Variants in ECM2 observed in about 807,000 individuals in gnomAD.
ECM2 encodes extracellular matrix protein 2.
A neutral mutation model predicts 67.5 loss-of-function variants in ECM2; 57 were observed. That is an observed-to-expected ratio of 0.84 (90% CI 0.68 to 1.05). The LOEUF is 1.05. ECM2 is among the 50% of genes least tolerant of loss of function. ECM2 has a pLI of 0.00. For synonymous variants in ECM2, 258 were observed against 294.5 expected (o/e 0.88, Z 1.27); for missense variants, 741 against 822.8 (o/e 0.90, Z 1.22).
intron 1 of ECM2, among the ~76,000 whole-genome samples, chr9:92,524,807 G>T (rs1588230047): frequency 6.6e-6 from 1 of 152,290 alleles, no homozygotes; most frequent in Non-Finnish European, 1.5e-5. Flanking sequence ...TAACTAACTT[G>T]CTCAGTGATG....
At chr9:92,532,044 T>TTTTTTTTTTTTTC (rs1848828968) in intron 1 of ECM2, among the ~76,000 whole-genome samples, 1 of 145,434 alleles carries the variant, frequency 6.9e-6, no homozygotes, top group Admixed American at 6.8e-5. Context: ...ATTTTTTTTT[T>TTTTTTTTTTTTTC]GAGATGAGGT....
the ECM2 span, among the ~76,000 whole-genome samples, chr9:92,550,490 A>T: frequency 6.6e-6 from 1 of 152,064 alleles, no homozygotes; most frequent in Non-Finnish European, 1.5e-5. Flanking sequence ...TTTGTTTTTG[A>T]GAATTAAAAT....
At chr9:92,508,307 C>T (rs1030856547) in intron 6 of ECM2, among the ~76,000 whole-genome samples, 2 of 152,210 alleles carry the variant, frequency 1.3e-5, no homozygotes, top group East Asian at 1.9e-4. Flanking sequence ...CGAGGCTCCT[C>T]GGGTGCTCGG....
chr9:92,557,631 C>T, the ECM2 span, among the ~76,000 whole-genome samples: 1 of 151,984 alleles, frequency 6.6e-6, no homozygotes, highest in African/African-American at 2.4e-5. Context: ...CTTTCCAGAG[C>T]ATTTCGCATT....
downstream of ECM2, chr9:92,494,006 G>A (rs145750718): frequency 2.4e-4 from 348 of 1,463,736 alleles, 2 homozygotes; most frequent in African/African-American, 4.2e-3. Context: ...CAGTGTGCTC[G>A]TCGCATTGTC....
At chr9:92,546,028 C>T in the ECM2 span, among the ~76,000 whole-genome samples, 24 of 151,920 alleles carry the variant, frequency 1.6e-4, no homozygotes, top group South Asian at 8.3e-4. Flanking sequence ...CACCAATCAG[C>T]ACTCTGTGTC....
intron 1 of ECM2, among the ~76,000 whole-genome samples, chr9:92,531,259 C>T (rs989207276): frequency 6.6e-6 from 1 of 151,874 alleles, no homozygotes; most frequent in African/African-American, 2.4e-5. Flanking sequence ...AGTAATTATA[C>T]ACTTTTTACC....
intron 3 of ECM2, 100 bp downstream of exon 3, chr9:92,517,587 G>A: frequency 6.6e-7 from 1 of 1,512,714 alleles, no homozygotes; most frequent in East Asian, 2.3e-5. Flanking sequence ...ACTCAGATCT[G>A]ACTAATGTAT....
chr9:92,558,183 C>T, the ECM2 span, among the ~76,000 whole-genome samples: 12 of 152,238 alleles, frequency 7.9e-5, no homozygotes, highest in African/African-American at 1.9e-4. Flanking sequence ...TGCTGGTGAA[C>T]TAATGTGATT....
chr9:92,543,201 G>A, the ECM2 span, among the ~76,000 whole-genome samples: 2 of 152,092 alleles, frequency 1.3e-5, no homozygotes, highest in African/African-American at 2.4e-5. Context: ...TGCCAGCCTC[G>A]TGGCTCACAC....
chr9:92,501,110 CT>C lies in ECM2; in HGVS notation c.1605-58del. ...GACATCAGGATGGTGATCATCAGCT[CT>C]AAATTTTGATAAGGCCAGTCTCGAT... On this transcript the variant is annotated intron_variant, in intron 8 of 9. Transcript: ENST00000344604. 1.3e-6 allele frequency: 2 copies of C among 1,548,144 alleles called. 1 individual carries two copies. Among genetic ancestry groups the C allele is most frequent in the South Asian group, 2.4e-5 (2 of 84,780 alleles).
intron 9 of ECM2, 61 bp downstream of exon 9, chr9:92,500,666 G>A: frequency 6.7e-7 from 1 of 1,484,478 alleles, no homozygotes; most frequent in Admixed American, 1.9e-5. Flanking sequence ...TGTCATGGTT[G>A]TTTTATCATA....
In ECM2 at chr9:92,496,406, T is replaced by C. The variant is rs747794358; in HGVS notation, c.2009A>G (p.Asn670Ser). 6.8e-6 allele frequency: 11 copies of C among 1,610,888 alleles called. No individual in the cohort carries two copies. Among genetic ancestry groups the C allele is most frequent in the Middle Eastern group, 1.7e-4 (1 of 6,050 alleles). ...SNLEHLHLENNYIKIREIPSY... is the reference protein window; with the variant it reads ...SNLEHLHLENSYIKIREIPSY... Reference sequence around the variant, plus strand: ...TGGTATTTCTCTAATTTTAATATAATTGTTTTCAAGATGAAGATGTTCCAG... The same window carrying C: ...TGGTATTTCTCTAATTTTAATATAACTGTTTTCAAGATGAAGATGTTCCAG... Residue 670 changes from asparagine (N) to serine (S), a missense_variant, in exon 10 of 10, where the codon AAT becomes AGT. By Grantham distance (46) the Asn-to-Ser change is conservative. Coordinates refer to ENST00000344604, the MANE Select transcript of ECM2 (RefSeq NM_001393.4).
At chr9:92,512,190 GGGCA>G in intron 4 of ECM2, 64 bp from the exon 5 acceptor site, 1 of 1,054,278 alleles carries the variant, frequency 9.5e-7, no homozygotes, top group Non-Finnish European at 1.4e-6. Context: ...ACACATGTAT[GGGCA>G]TGTGTGCATA....
chr9:92,512,853 C>T (rs992530924), intron 4 of ECM2, among the ~76,000 whole-genome samples: 1 of 152,152 alleles, frequency 6.6e-6, no homozygotes, highest in Non-Finnish European at 1.5e-5. Flanking sequence ...AGGCTTTAGA[C>T]TTTCACAAAT....
At chr9:92,500,427 C>T (rs574729164) in intron 9 of ECM2, among the ~76,000 whole-genome samples, 1 of 152,356 alleles carries the variant, frequency 6.6e-6, no homozygotes, top group Admixed American at 6.5e-5. Context: ...AGGTGATCCG[C>T]CCGCCTTGGC....
chr9:92,535,588 TA>T (rs1418422567), intron 1 of ECM2, among the ~76,000 whole-genome samples: 7 of 152,144 alleles, frequency 4.6e-5, no homozygotes, highest in African/African-American at 1.7e-4. Context: ...GTCTATTATC[TA>T]TTTTCACTTC....
rs1847804178 is a variant in ECM2, at chr9:92,517,561, T to G, written c.481+126A>C. 3.2e-6 allele frequency: 4 copies of G among 1,258,112 alleles called. No individual in the cohort carries two copies. In the Admixed American group the frequency reaches 8.2e-5, roughly 26 times the overall value. 77.9% of individuals were successfully genotyped at this position (1,258,112 alleles called of 1,614,324 possible). ...ATATTTTCTATGTTAATCAGCATTT[T>G]GCCAATATTTTAAGTACTCAGATCT... is the stretch of plus-strand genomic sequence containing the variant. On this transcript the variant is annotated intron_variant, in intron 3 of 9. Transcript: ENST00000344604.
chr9:92,557,923 G>C, the ECM2 span, among the ~76,000 whole-genome samples: 2 of 152,116 alleles, frequency 1.3e-5, no homozygotes, highest in Middle Eastern at 3.2e-3. Context: ...GATTACAGGC[G>C]TGAGCCACCG....
Sources: allele counts gnomAD v4.1 joint callset (sites outside exome capture counted in the v4.1 genomes callset), GRCh38; gene constraint gnomAD v4.1.1; transcripts MANE v1.5; gene names NCBI Gene and HGNC (gene_info 2026-07-23, HGNC 2026-07-21).